PALS2: variants seen among roughly 807,000 people sequenced by gnomAD.
PALS2 encodes the protein protein associated with LIN7 2, MAGUK p55 family member, also known as protein PALS2.
In PALS2, 27 loss-of-function variants were observed where a neutral mutation model predicts 61.6. The observed-to-expected ratio is 0.44, with a 90% CI of 0.32 to 0.60. The LOEUF is 0.60. PALS2 is among the 20% of genes least tolerant of loss of function. The probability of loss-of-function intolerance (pLI) is 0.05; values close to 1 mark genes in which losing one functional copy is unlikely to be tolerated. For missense variants in PALS2, 554 were observed against 639.4 expected (o/e 0.87, Z 1.44); for synonymous variants, 236 against 218.6 (o/e 1.08, Z -0.70).
intron 8 of PALS2, chr7:24,666,933 G>C (rs1438020422): frequency 6.6e-6 from 1 of 152,150 alleles, no homozygotes; most frequent in Non-Finnish European, 1.5e-5. Context: ...AATCAAAGGA[G>C]TTGGCAATTT....
intron 2 of PALS2, among the ~76,000 whole-genome samples, chr7:24,639,948 C>T (rs1399971398): frequency 6.6e-6 from 1 of 150,718 alleles, no homozygotes; most frequent in African/African-American, 2.4e-5. Context: ...TTCTGGGTAA[C>T]TGGGATTACA....
chr7:24,659,413 A>G (rs1479096255), intron 5 of PALS2, among the ~76,000 whole-genome samples: 1 of 152,202 alleles, frequency 6.6e-6, no homozygotes, highest in Non-Finnish European at 1.5e-5. Flanking sequence ...AAGTTCTTTG[A>G]GAAATCTCCA....
chr7:24,641,995 C>T, intron 3 of PALS2, 127 bp downstream of exon 3: 1 of 1,004,016 alleles, frequency 1.0e-6, no homozygotes, highest in Non-Finnish European at 1.5e-6. Context: ...TATGTAAATT[C>T]CAACCTTGGT....
chr7:24,641,675 CAAA>C (rs754145244), intron 2 of PALS2, 38 bp from the exon 3 acceptor site: 1 of 1,475,938 alleles, frequency 6.8e-7, no homozygotes, highest in East Asian at 2.3e-5. Context: ...GTGCAAATAA[CAAA>C]TAAGTATTAC....
At chr7:24,579,201 AATATT>A (rs1345854323) in intron 1 of PALS2, among the ~76,000 whole-genome samples, 5 of 152,350 alleles carry the variant, frequency 3.3e-5, no homozygotes, top group African/African-American at 1.2e-4. Flanking sequence ...ACATAATACA[AATATT>A]ATAAATAAAA....
intron 1 of PALS2, among the ~76,000 whole-genome samples, chr7:24,583,626 T>G (rs1254863884): frequency 1.3e-4 from 20 of 149,180 alleles, no homozygotes; most frequent in Non-Finnish European, 2.5e-4. Context: ...TCAGATCCTT[T>G]CTTTTTTTTT....
rs1787149700 is a variant in PALS2, at chr7:24,668,622, T to C, written c.1076T>C (p.Ile359Thr). ...VGRRSLKNRF[I>T]VLNPTRFGTT... is the part of the protein sequence containing the mutation. ...CGAAGAAGCTTGAAAAACAGGTTCA[T>C]AGTATTGAATCCCACTAGATTTGGA... is the stretch of plus-strand genomic sequence containing the variant. Residue 359 changes from isoleucine (I) to threonine (T), a missense_variant, in exon 9 of 12, where the codon ATA becomes ACA. Coordinates refer to ENST00000222644, the MANE Select transcript of PALS2 (RefSeq NM_001303037.2). The C allele has an allele frequency of 6.2e-7, 1 of 1,613,816 alleles. No individual in the cohort carries two copies. Among genetic ancestry groups the C allele is most frequent in the African/African-American group, 1.3e-5 (1 of 74,902 alleles).
intron 3 of PALS2, among the ~76,000 whole-genome samples, chr7:24,645,171 A>G (rs529061490): frequency 2.2e-4 from 34 of 152,142 alleles, no homozygotes; most frequent in African/African-American, 7.7e-4. Context: ...TTTTGTTGTG[A>G]TTGCTTTTGA....
intron 5 of PALS2, 31 bp from the exon 6 acceptor site, chr7:24,663,559 A>G (rs1786851997): frequency 3.2e-6 from 5 of 1,543,166 alleles, no homozygotes; most frequent in Non-Finnish European, 3.5e-6. Context: ...TGATACAACT[A>G]TAGTATTTTT....
At chr7:24,619,430 A>G (rs1784408810) in intron 1 of PALS2, among the ~76,000 whole-genome samples, 1 of 152,258 alleles carries the variant, frequency 6.6e-6, no homozygotes, top group African/African-American at 2.4e-5. Flanking sequence ...TAAGAATCCC[A>G]TTTATGGCTG....
intron 1 of PALS2, among the ~76,000 whole-genome samples, chr7:24,591,692 G>A (rs1783293647): frequency 6.6e-6 from 1 of 152,094 alleles, no homozygotes; most frequent in Non-Finnish European, 1.5e-5. Flanking sequence ...TAGGGGAAAT[G>A]CAGGGTTAGG....
rs540360724 is a variant in PALS2 at position 24,609,680 on chromosome 7, C to A, written c.-2-13986C>A. On this transcript the variant is annotated intron_variant, in intron 1 of 11. Transcript: ENST00000222644. ...CTCCTCTAGTGTCCTTTGCAAAGAACGAGATCTACCTCAGCCTCTACTCTC... is the reference window on the plus strand; with the variant it reads ...CTCCTCTAGTGTCCTTTGCAAAGAAAGAGATCTACCTCAGCCTCTACTCTC... Among the ~76,000 whole-genome samples the A allele has an allele frequency of 5.3e-5, 8 of 152,190 alleles. No homozygotes were observed. The South Asian group carries it at 1.7e-3, about 32-fold the overall frequency.
intron 2 of PALS2, among the ~76,000 whole-genome samples, chr7:24,628,165 C>T (rs1004807652): frequency 3.3e-5 from 5 of 152,178 alleles, no homozygotes; most frequent in Admixed American, 6.5e-5. Flanking sequence ...AAGGCTTATC[C>T]ACCACGATCA....
At chr7:24,638,670 A>G (rs1785365951) in intron 2 of PALS2, among the ~76,000 whole-genome samples, 1 of 152,104 alleles carries the variant, frequency 6.6e-6, no homozygotes, top group South Asian at 2.1e-4. Context: ...TCTTCCATAG[A>G]ACCAAACTGT....
intron 2 of PALS2, among the ~76,000 whole-genome samples, chr7:24,624,602 C>CTTG (rs1784656376): frequency 1.6e-5 from 1 of 63,914 alleles, no homozygotes; most frequent in African/African-American, 1.7e-4. Flanking sequence ...GATGCAGATT[C>CTTG]TTCTTTTTTT....
chr7:24,675,941 G>C (rs1248791376), intron 9 of PALS2, among the ~76,000 whole-genome samples: 1 of 148,936 alleles, frequency 6.7e-6, no homozygotes, highest in Non-Finnish European at 1.5e-5. Flanking sequence ...GGTATTTCTA[G>C]TTCTAGATCC....
At chr7:24,673,205 A>C (rs2128025963) in intron 9 of PALS2, among the ~76,000 whole-genome samples, 1 of 152,238 alleles carries the variant, frequency 6.6e-6, no homozygotes, top group East Asian at 1.9e-4. Context: ...TATTGCATTC[A>C]TTGATTTTTA....
intron 2 of PALS2, among the ~76,000 whole-genome samples, chr7:24,640,809 C>T (rs1046300278): frequency 2.6e-5 from 4 of 151,896 alleles, no homozygotes; most frequent in South Asian, 2.1e-4. Flanking sequence ...GAGATCAAGA[C>T]CATCCTGGCT....
chr7:24,660,913 G>GA (rs989443523), intron 5 of PALS2, among the ~76,000 whole-genome samples: 4 of 152,084 alleles, frequency 2.6e-5, no homozygotes, highest in Admixed American at 6.5e-5. Flanking sequence ...AATCTGATAG[G>GA]AAAAAATGTT....
Sources: gnomAD v4.1 joint callset for allele counts (sites outside exome capture counted in the v4.1 genomes callset) on GRCh38, gnomAD v4.1.1 for gene constraint, MANE v1.5 for transcripts, NCBI Gene and HGNC (gene_info 2026-07-23, HGNC 2026-07-21) for gene names.